Variants in KCNQ5 observed in about 807,000 individuals in gnomAD.
The protein encoded by KCNQ5 is potassium voltage-gated channel subfamily KQT member 5.
A neutral mutation model predicts 98.2 loss-of-function variants in KCNQ5; 30 were observed. The ratio of observed to expected loss-of-function variants is 0.31; its 90% CI spans 0.23 to 0.41. KCNQ5 has a LOEUF of 0.41. KCNQ5 is among the 10% of genes least tolerant of loss of function. The pLI is 1.00. For missense variants in KCNQ5, 835 were observed against 1,182.5 expected (o/e 0.71, Z 4.31); for synonymous variants, 458 against 449.4 (o/e 1.02, Z -0.24).
intron 1 of KCNQ5, among the ~76,000 whole-genome samples, chr6:72,812,362 A>T (rs1426809733): frequency 6.6e-6 from 1 of 152,196 alleles, no homozygotes; most frequent in Non-Finnish European, 1.5e-5. Context: ...AATGCCTCTG[A>T]CACTACAATG....
intron 1 of KCNQ5, among the ~76,000 whole-genome samples, chr6:72,675,048 G>A (rs1767339087): frequency 1.3e-5 from 2 of 152,144 alleles, no homozygotes; most frequent in South Asian, 4.1e-4. Flanking sequence ...CATTACGTAA[G>A]GCACTGTAGT....
chr6:72,691,515 A>G (rs1768212869), intron 1 of KCNQ5, among the ~76,000 whole-genome samples: 2 of 152,362 alleles, frequency 1.3e-5, no homozygotes, highest in South Asian at 4.1e-4. Flanking sequence ...CCGAAGACGA[A>G]TACTCTATCT....
At position 72,960,404 on chromosome 6, in the gene KCNQ5, T is replaced by TTTG. The variant is rs560597563; in HGVS notation, c.399-43483_399-43481dup. ...TTCTATTTCAGTGTCCCCAAATACA[T>TTTG]TTGTTGTTGTTGTTGTTGTTGTTTT... On this transcript the variant is annotated intron_variant, in intron 1 of 13. Coordinates refer to ENST00000370398, the MANE Select transcript of KCNQ5 (RefSeq NM_019842.4). Among the ~76,000 whole-genome samples, 113 of 152,082 alleles carry TTTG rather than the reference T, an allele frequency of 7.4e-4. 1 individual carries two copies. In the East Asian group the frequency reaches 0.015, roughly 20 times the overall value.
chr6:72,692,923 C>A (rs1226522021), intron 1 of KCNQ5, among the ~76,000 whole-genome samples: 1 of 151,932 alleles, frequency 6.6e-6, no homozygotes, highest in East Asian at 1.9e-4. Flanking sequence ...GTCCTCCAGG[C>A]AAAGGAGCCA....
rs147560474 is a variant in KCNQ5, at chr6:72,981,064, T to C, written c.399-22844T>C. On this transcript the variant is annotated intron_variant, in intron 1 of 13. Transcript: ENST00000370398. Reference sequence around the variant, plus strand: ...ATGTGCTGCTGATTTGGTTTGCCAGTATTTTATTGAGGATTTTCTCATCGA... The same window carrying C: ...ATGTGCTGCTGATTTGGTTTGCCAGCATTTTATTGAGGATTTTCTCATCGA... Among the ~76,000 whole-genome samples the C allele has an allele frequency of 3.2e-4, 49 of 152,356 alleles. 1 individual carries two copies. The highest frequency in any genetic ancestry group is 2.0e-4 in the Admixed American group (3 of 15,306).
chr6:73,133,519 G>GCACCGACAT lies in KCNQ5; in HGVS notation c.1350_1358dup (p.Asp451_Thr453dup), dbSNP rs1238507800. On this transcript the variant is annotated inframe_insertion, in exon 10 of 14. Transcript: ENST00000370398. Reference sequence around the variant, plus strand: ...TCAGTAGGTGACAGGAGGTCCCCAAGCACCGACATCACAGCCGAGGGCAGT... The same window carrying GCACCGACAT: ...TCAGTAGGTGACAGGAGGTCCCCAAGCACCGACATCACCGACATCACAGCCGAGGGCAGT... 1 of 1,614,180 alleles carries GCACCGACAT rather than the reference G, an allele frequency of 6.2e-7. No homozygotes were observed. The highest frequency in any genetic ancestry group is 8.5e-7 in the Non-Finnish European group (1 of 1,180,030).
chr6:73,060,539 T>C (rs1772732084), intron 3 of KCNQ5, among the ~76,000 whole-genome samples: 1 of 152,098 alleles, frequency 6.6e-6, no homozygotes, highest in East Asian at 1.9e-4. Flanking sequence ...ACAAAAGTCA[T>C]AGGAGAAAAT....
chr6:73,157,495 C>G (rs1021594424), intron 10 of KCNQ5: 1 of 705,488 alleles, frequency 1.4e-6, no homozygotes, highest in Non-Finnish European at 2.6e-6. Flanking sequence ...AGAACCAACT[C>G]CCCGGTGACC....
rs115670711 is a variant in KCNQ5, at chr6:73,122,556, C to T, written c.1221-1930C>T. On this transcript the variant is annotated intron_variant, in intron 8 of 13. Coordinates refer to ENST00000370398, the MANE Select transcript of KCNQ5 (RefSeq NM_019842.4). The stretch of plus-strand genomic sequence containing the variant: ...CTGCAAACTCATGAACCATGGGGCT[C>T]AGCTCCATTGAATGAAGAACAGTTA... Among the ~76,000 whole-genome samples, 1,244 of 152,266 alleles carry T rather than the reference C, an allele frequency of 8.2e-3. 20 individuals are homozygous for T. Among genetic ancestry groups the T allele is most frequent in the African/African-American group, 0.027 (1,125 of 41,532 alleles).
intron 7 of KCNQ5, among the ~76,000 whole-genome samples, chr6:73,116,456 A>G (rs1463110211): frequency 2.0e-5 from 3 of 152,180 alleles, no homozygotes; most frequent in Non-Finnish European, 4.4e-5. Flanking sequence ...ACTTGAGGCC[A>G]GGAGTTCAAG....
At chr6:72,722,627 C>T (rs1770029112) in intron 1 of KCNQ5, among the ~76,000 whole-genome samples, 1 of 152,094 alleles carries the variant, frequency 6.6e-6, no homozygotes, top group African/African-American at 2.4e-5. Context: ...AGAGTCAGGA[C>T]TTCACACATG....
chr6:73,019,610 T>G (rs1009985966), intron 2 of KCNQ5, among the ~76,000 whole-genome samples: 1 of 152,108 alleles, frequency 6.6e-6, no homozygotes, highest in African/African-American at 2.4e-5. Context: ...ACTTTTCTAC[T>G]CTCCTTTATC....
intron 1 of KCNQ5, among the ~76,000 whole-genome samples, chr6:72,976,199 T>A (rs1161223414): frequency 1.3e-5 from 2 of 152,230 alleles, no homozygotes; most frequent in African/African-American, 4.8e-5. Flanking sequence ...CATTTTCAGA[T>A]AATGTAATGG....
intron 1 of KCNQ5, among the ~76,000 whole-genome samples, chr6:72,891,492 A>G (rs1337973219): frequency 6.6e-6 from 1 of 152,168 alleles, no homozygotes; most frequent in Admixed American, 6.5e-5. Flanking sequence ...ATCACTATTA[A>G]CCATGGCTAA....
intron 1 of KCNQ5, among the ~76,000 whole-genome samples, chr6:72,970,039 C>T (rs1434795048): frequency 3.3e-5 from 5 of 152,042 alleles, no homozygotes. Flanking sequence ...TGGGAGGATT[C>T]CTTGAGGCCA....
At chr6:73,154,633 AG>A (rs1777282411) in intron 10 of KCNQ5, among the ~76,000 whole-genome samples, 1 of 152,192 alleles carries the variant, frequency 6.6e-6, no homozygotes, top group Non-Finnish European at 1.5e-5. Flanking sequence ...AAGAATTTAA[AG>A]TGGGCTTACA....
At chr6:72,745,369 A>C (rs1286611295) in intron 1 of KCNQ5, among the ~76,000 whole-genome samples, 2 of 152,204 alleles carry the variant, frequency 1.3e-5, no homozygotes, top group African/African-American at 4.8e-5. Context: ...TAAATGTTTA[A>C]ATTAAGTGAG....
rs73545805 is a variant in KCNQ5 at position 72,835,194 on chromosome 6, T to C, written c.399-168714T>C. ...TCCCCATCACTAACCATAGTGGCTA[T>C]TGCTCGTATATTAAAGTGGTCTTTC... On this transcript the variant is annotated intron_variant, in intron 1 of 13. Coordinates refer to ENST00000370398, the MANE Select transcript of KCNQ5 (RefSeq NM_019842.4). 3.0e-3 allele frequency among the ~76,000 whole-genome samples: 450 copies of C among 152,260 alleles called. 3 individuals are homozygous for C. Among genetic ancestry groups the C allele is most frequent in the African/African-American group, 0.01 (428 of 41,550 alleles).
At chr6:72,684,372 A>G (rs1159712450) in intron 1 of KCNQ5, among the ~76,000 whole-genome samples, 1 of 152,222 alleles carries the variant, frequency 6.6e-6, no homozygotes, top group South Asian at 2.1e-4. Context: ...GCCTACACCG[A>G]CAAAGTATTG....
Sources: allele counts gnomAD v4.1 joint callset (sites outside exome capture counted in the v4.1 genomes callset), GRCh38; gene constraint gnomAD v4.1.1; transcripts MANE v1.5; gene names NCBI Gene and HGNC (gene_info 2026-07-23, HGNC 2026-07-21).